MPP3: variants seen among roughly 807,000 people sequenced by gnomAD.
MPP3 encodes the protein MAGUK p55 subfamily member 3.
MPP3 carries 48 observed loss-of-function variants against 80.7 expected under a neutral mutation model. The ratio of observed to expected loss-of-function variants is 0.59; its 90% CI spans 0.47 to 0.76. The LOEUF is 0.76. Ranked by LOEUF, MPP3 falls within the 30% of genes least tolerant of loss-of-function variation. The pLI, the probability that MPP3 is intolerant of heterozygous loss-of-function variation, is 0.00. For synonymous variants in MPP3, 311 were observed against 297.6 expected, an observed-to-expected ratio of 1.04 and a Z score of -0.46; for missense variants, 620 against 763.0, an observed-to-expected ratio of 0.81 and a Z score of 2.21.
chr17:43,826,835 T>C (rs1359208994), intron 8 of MPP3, among the ~76,000 whole-genome samples: 1 of 147,666 alleles, frequency 6.8e-6, no homozygotes, highest in Non-Finnish European at 1.5e-5. Flanking sequence ...TATATATTTT[T>C]TTTTTTTTTC....
At chr17:43,827,314 CTTTTTTTTTTTTTTCT>C (rs1199394240) in intron 8 of MPP3, among the ~76,000 whole-genome samples, 1 of 119,596 alleles carries the variant, frequency 8.4e-6, no homozygotes, top group Admixed American at 8.7e-5. Flanking sequence ...CTGTGCCTGG[CTTTTTTTTTTTTTTCT>C]TTTTTTTTTT....
chr17:43,809,472 C>G (rs191718412), intron 18 of MPP3, among the ~76,000 whole-genome samples: 1 of 152,204 alleles, frequency 6.6e-6, no homozygotes, highest in African/African-American at 2.4e-5. Context: ...ATCAATCGGA[C>G]TACATTATTA....
At chr17:43,810,749 C>T (rs989157424) in intron 18 of MPP3, 58 bp downstream of exon 18, 15 of 1,184,780 alleles carry the variant, frequency 1.3e-5, no homozygotes, top group Non-Finnish European at 1.8e-5. Context: ...GTAAAATGTA[C>T]AATCCCCTAG....
intron 7 of MPP3, 56 bp from the exon 8 acceptor site, chr17:43,827,888 C>A: frequency 6.4e-7 from 1 of 1,554,158 alleles, no homozygotes; most frequent in Non-Finnish European, 8.8e-7. Context: ...ACCTCAGACC[C>A]CTACTCTCTG....
At chr17:43,805,455 C>T (rs1291399575) in intron 19 of MPP3, among the ~76,000 whole-genome samples, 2 of 152,074 alleles carry the variant, frequency 1.3e-5, no homozygotes, top group Non-Finnish European at 2.9e-5. Context: ...AAGGTATACA[C>T]CCAAGAGAAA....
In MPP3 at chr17:43,830,238, C is replaced by G. The variant is rs1162394771; in HGVS notation, c.223-131G>C. On this transcript the variant is annotated intron_variant, in intron 5 of 19. Coordinates refer to ENST00000398389, the MANE Select transcript of MPP3 (RefSeq NM_001932.6). Reference sequence around the variant, plus strand: ...GCACACCAGACCCTCAACCACCCGACGACGATGATCCTGGGAACATCACAC... The same window carrying G: ...GCACACCAGACCCTCAACCACCCGAGGACGATGATCCTGGGAACATCACAC... 27 of 539,192 alleles carry G rather than the reference C, an allele frequency of 5.0e-5. 1 individual carries two copies. The South Asian group carries it at 9.3e-4, about 19-fold the overall frequency. The allele number at this position is 539,192 out of a possible 1,614,324, so 33.4% of individuals were successfully genotyped here.
Position 43,818,128 on chromosome 17 carries a change from G to A in MPP3, c.882-18C>T, listed in dbSNP as rs775503038. 5.0e-5 allele frequency: 76 copies of A among 1,510,536 alleles called. No individual in the cohort carries two copies. Among genetic ancestry groups the A allele is most frequent in the Non-Finnish European group, 6.4e-5 (72 of 1,126,056 alleles). The allele number at this position is 1,510,536 out of a possible 1,614,324, so 93.6% of individuals were successfully genotyped here. ...TTAGTCGTCTGCAGGGACACAAGGG[G>A]ATGGGCGGGCCCGTGAGCTGGGCCA... On this transcript the variant is annotated intron_variant, in intron 11 of 19. Coordinates refer to ENST00000398389, the MANE Select transcript of MPP3 (RefSeq NM_001932.6).
rs770360118 is a variant in MPP3 at position 43,831,310 on chromosome 17, C to A, written c.156G>T (p.Lys52Asn). 3.1e-6 allele frequency: 5 copies of A among 1,613,860 alleles called. No homozygotes were observed. The highest frequency in any genetic ancestry group is 4.2e-6 in the Non-Finnish European group (5 of 1,180,002). ...SLSYLMKIHE[K>N]LRYYERQSPT... ...GACTTTGCCTTTCATAATAGCGAAG[C>A]TTCTCATGAATCTGCAAAGACAGAG... The change falls in exon 5 of 20, where the codon AAG becomes AAT. Residue 52 changes from lysine (K) to asparagine (N), a missense_variant. Coordinates refer to ENST00000398389, the MANE Select transcript of MPP3 (RefSeq NM_001932.6).
intron 17 of MPP3, 39 bp from the exon 18 acceptor site, chr17:43,810,954 C>T: frequency 6.6e-7 from 1 of 1,518,950 alleles, no homozygotes; most frequent in East Asian, 2.3e-5. Flanking sequence ...TTTAGTTCCT[C>T]AGCTTTCCTA....
Position 43,801,677 on chromosome 17 carries a change from C to T in MPP3, c.*24G>A. 4 of 1,612,166 alleles carry T rather than the reference C, an allele frequency of 2.5e-6. No individual in the cohort carries two copies. Among genetic ancestry groups the T allele is most frequent in the Non-Finnish European group, 3.4e-6 (4 of 1,178,468 alleles). On this transcript the variant is annotated 3_prime_UTR_variant, in exon 20 of 20. Coordinates refer to ENST00000398389, the MANE Select transcript of MPP3 (RefSeq NM_001932.6). Reference sequence around the variant, plus strand: ...ACTAGATGATCTTCAAGGTCCCGTCCAGCTTGGATGTTCTGGGATAAAGTT... The same window carrying T: ...ACTAGATGATCTTCAAGGTCCCGTCTAGCTTGGATGTTCTGGGATAAAGTT...
chr17:43,807,431 C>A (rs1567797064), intron 19 of MPP3, among the ~76,000 whole-genome samples: 1 of 150,226 alleles, frequency 6.7e-6, no homozygotes, highest in African/African-American at 2.5e-5. Flanking sequence ...CCCACTCCCA[C>A]CTCAGTCTCC....
intron 8 of MPP3, among the ~76,000 whole-genome samples, chr17:43,827,063 G>A (rs185059405): frequency 2.6e-4 from 40 of 151,468 alleles, no homozygotes; most frequent in Middle Eastern, 3.4e-3. Context: ...TTGCCCAGGC[G>A]GGAGCGCAAT....
Position 43,810,863 on chromosome 17 carries a change from C to A in MPP3, c.1402G>T (p.Ala468Ser). ...KENLYGTSLE[A>S]IQAVMAKNKV... ...TTTTTGGCCATAACAGCCTGAATGGCCTCCAGGCTGGTTCCATACAGATTT... is the reference window on the plus strand; with the variant it reads ...TTTTTGGCCATAACAGCCTGAATGGACTCCAGGCTGGTTCCATACAGATTT... The change falls in exon 18 of 20, where the codon GCC becomes TCC. Residue 468 changes from alanine to serine, a missense_variant. Transcript: ENST00000398389. The A allele has an allele frequency of 1.9e-6, 3 of 1,612,118 alleles. No homozygotes were observed. The highest frequency in any genetic ancestry group is 2.5e-6 in the Non-Finnish European group (3 of 1,179,532).
rs1342526528 is a variant in MPP3 at position 43,810,897 on chromosome 17, T to G, written c.1368A>C (p.Glu456Asp). The change falls in exon 18 of 20, where the codon GAA becomes GAC. Residue 456 changes from glutamate (E) to aspartate (D), a missense_variant. Coordinates refer to ENST00000398389, the MANE Select transcript of MPP3 (RefSeq NM_001932.6). ...TGGTTCCATACAGATTTTCCTTATA[T>G]TCACCATGTTCCAGGAACCTAAAAC... ...LHHNKFLEHG[E>D]YKENLYGTSL... 6.2e-7 allele frequency: 1 copy of G among 1,605,816 alleles called. No homozygotes were observed. Among genetic ancestry groups the G allele is most frequent in the Non-Finnish European group, 8.5e-7 (1 of 1,177,792 alleles).
intron 12 of MPP3, 91 bp from the exon 13 acceptor site, chr17:43,816,788 G>A (rs994102060): frequency 2.7e-5 from 33 of 1,234,176 alleles, no homozygotes; most frequent in Non-Finnish European, 3.6e-5. Flanking sequence ...GAGTGCCTGA[G>A]GAGCCCGCCA....
intron 9 of MPP3, 153 bp downstream of exon 9, chr17:43,825,603 G>T: frequency 1.7e-6 from 1 of 594,984 alleles, no homozygotes. Flanking sequence ...CATACCCCGG[G>T]CACACTGTTA....
In MPP3 at chr17:43,807,683, C is replaced by T. The variant is rs547727368; in HGVS notation, c.1581+1273G>A. Among the ~76,000 whole-genome samples, 13 of 152,096 alleles carry T rather than the reference C, an allele frequency of 8.5e-5. 1 individual carries two copies. The Middle Eastern group carries it at 0.014, about 159-fold the overall frequency. The stretch of plus-strand genomic sequence containing the variant: ...CTAAATAATTTACTGAGACCAGATA[C>T]GGTGGCTCACACCTGTAATCCCAAC... On this transcript the variant is annotated intron_variant, in intron 19 of 19. Transcript: ENST00000398389.
chr17:43,821,159 G>C, intron 10 of MPP3, 101 bp from the exon 11 acceptor site: 1 of 1,137,386 alleles, frequency 8.8e-7, no homozygotes, highest in Non-Finnish European at 1.3e-6. Flanking sequence ...CCACACTTAG[G>C]AGGACCAAGT....
intron 19 of MPP3, among the ~76,000 whole-genome samples, chr17:43,806,175 TA>T (rs2044605880): frequency 6.7e-6 from 1 of 149,530 alleles, no homozygotes; most frequent in South Asian, 2.1e-4. Context: ...TTAATTAATT[TA>T]TTTTTTTGAG....
Sources: gnomAD v4.1 joint callset for allele counts (sites outside exome capture counted in the v4.1 genomes callset) on GRCh38, gnomAD v4.1.1 for gene constraint, MANE v1.5 for transcripts, NCBI Gene and HGNC (gene_info 2026-07-23, HGNC 2026-07-21) for gene names.